DHX57: variants seen among roughly 807,000 people sequenced by gnomAD.
DHX57 encodes putative ATP-dependent RNA helicase DHX57.
A neutral mutation model predicts 156.2 loss-of-function variants in DHX57; 105 were observed. That is an observed-to-expected ratio of 0.67 (90% CI 0.57 to 0.79). The LOEUF (loss-of-function observed/expected upper bound fraction) is 0.79, where lower values mean the gene tolerates loss of function less well. DHX57 is among the 30% of genes least tolerant of loss of function. DHX57 has a pLI of 0.00. For missense variants in DHX57, 1,847 were observed against 1,661.9 expected (o/e 1.11, Z -1.94); for synonymous variants, 704 against 595.6 (o/e 1.18, Z -2.65).
At chr2:38,828,473 T>A (rs764011261) in intron 13 of DHX57, 37 bp from the exon 14 acceptor site, 2 of 1,471,344 alleles carry the variant, frequency 1.4e-6, no homozygotes, top group Non-Finnish European at 1.8e-6. Context: ...TGGGTAAGCA[T>A]AGGCACAGAA....
rs1034132465 is a variant in DHX57, at chr2:38,813,949, T to C, written c.3607-54A>G. ...AAGTGATATGGCTATTTCTTTTTTT[T>C]CTTTTTGAGATGGAGTCTTGCTCTG... On this transcript the variant is annotated intron_variant, in intron 20 of 23. Transcript: ENST00000457308. 1.9e-6 allele frequency: 3 copies of C among 1,592,294 alleles called. No individual in the cohort carries two copies. In the Admixed American group the frequency reaches 5.0e-5, roughly 27 times the overall value.
intron 17 of DHX57, among the ~76,000 whole-genome samples, chr2:38,819,866 G>C (rs555802271): frequency 3.3e-5 from 5 of 152,016 alleles, no homozygotes; most frequent in Non-Finnish European, 7.4e-5. Flanking sequence ...ATCTACACTG[G>C]GAAGAATCCT....
intron 7 of DHX57, 130 bp from the exon 8 acceptor site, chr2:38,855,382 T>A: frequency 1.0e-6 from 1 of 974,072 alleles, no homozygotes; most frequent in Non-Finnish European, 1.6e-6. Flanking sequence ...AGGTATTTTC[T>A]AAAACAACCT....
intron 22 of DHX57, among the ~76,000 whole-genome samples, chr2:38,805,362 G>T (rs1053624423): frequency 9.9e-5 from 15 of 152,184 alleles, no homozygotes; most frequent in African/African-American, 3.6e-4. Context: ...GGCCATGTAA[G>T]GAGTCATGTG....
At chr2:38,798,812 C>G (rs1039160954) in intron 23 of DHX57, among the ~76,000 whole-genome samples, 3 of 152,106 alleles carry the variant, frequency 2.0e-5, no homozygotes, top group African/African-American at 7.2e-5. Context: ...GTTGTGGTGG[C>G]ATGCGCCTGT....
chr2:38,861,110 C>G lies in DHX57; in HGVS notation c.1300G>C (p.Asp434His), dbSNP rs1673171923. The part of the protein sequence containing the change: ...LLTNTHHKYS[D>H]PPVNFLPVPS... Reference sequence around the variant, plus strand: ...ACTGGCAGAAAGTTCACAGGAGGGTCACTATACTTGTGGTGGGTATTCGTT... The same window carrying G: ...ACTGGCAGAAAGTTCACAGGAGGGTGACTATACTTGTGGTGGGTATTCGTT... The change falls in exon 5 of 24, where the codon GAC (aspartate) becomes CAC (histidine). Residue 434 changes from aspartate (D) to histidine (H), a missense_variant. Coordinates refer to ENST00000457308, the MANE Select transcript of DHX57 (RefSeq NM_198963.3). The G allele has an allele frequency of 6.2e-7, 1 of 1,614,218 alleles. No homozygotes were observed. The highest frequency in any genetic ancestry group is 8.5e-7 in the Non-Finnish European group (1 of 1,180,032).
intron 12 of DHX57, 69 bp downstream of exon 12, chr2:38,842,936 G>C: frequency 6.6e-7 from 1 of 1,524,828 alleles, no homozygotes; most frequent in Non-Finnish European, 9.0e-7. Context: ...TTCTTCTTCC[G>C]AATCTTGGTA....
chr2:38,870,469 G>GT (rs1342753424), intron 1 of DHX57, among the ~76,000 whole-genome samples: 1 of 152,210 alleles, frequency 6.6e-6, no homozygotes, highest in East Asian at 1.9e-4. Context: ...CATGAAAGGA[G>GT]TAAGAGAAAA....
At chr2:38,840,668 T>G (rs1671946989) in intron 12 of DHX57, among the ~76,000 whole-genome samples, 2 of 152,322 alleles carry the variant, frequency 1.3e-5, no homozygotes, top group East Asian at 3.9e-4. Flanking sequence ...GAGTCATGTT[T>G]CCTGACCTCA....
At chr2:38,803,173 T>C (rs1572612412) in intron 22 of DHX57, 2 of 428,796 alleles carry the variant, frequency 4.7e-6, no homozygotes, top group Non-Finnish European at 8.5e-6. Context: ...AGATAGGGTC[T>C]CACCATGTTG....
At chr2:38,831,415 T>C (rs3099988) in intron 13 of DHX57, among the ~76,000 whole-genome samples, 54,781 of 151,100 alleles carry the variant, frequency 0.36, 10,129 homozygotes, top group Admixed American at 0.38. Context: ...CTGCAACCTC[T>C]GCCTCCTGGG....
chr2:38,846,350 G>A (rs1028031045), intron 11 of DHX57, among the ~76,000 whole-genome samples: 4 of 152,070 alleles, frequency 2.6e-5, no homozygotes, highest in African/African-American at 9.7e-5. Context: ...GGCCAGGCAT[G>A]GTGGCTCATG....
intron 22 of DHX57, among the ~76,000 whole-genome samples, chr2:38,805,539 T>A (rs1669896486): frequency 6.6e-6 from 1 of 151,984 alleles, no homozygotes; most frequent in Admixed American, 6.6e-5. Flanking sequence ...ATGTTTGGGG[T>A]TTGAGCTAAG....
chr2:38,856,505 T>A, intron 6 of DHX57, 44 bp from the exon 7 acceptor site: 1 of 395,308 alleles, frequency 2.5e-6, no homozygotes, highest in South Asian at 5.9e-5. Context: ...TACTTTTTCT[T>A]TTTTTTTTTT....
chr2:38,851,570 T>C (rs1190669220), intron 9 of DHX57, among the ~76,000 whole-genome samples: 2 of 152,188 alleles, frequency 1.3e-5, no homozygotes, highest in East Asian at 3.8e-4. Flanking sequence ...AATTAATCTT[T>C]ATTCAGATGT....
intron 7 of DHX57, among the ~76,000 whole-genome samples, chr2:38,855,769 GA>G (rs552017345): frequency 2.0e-5 from 3 of 152,160 alleles, no homozygotes; most frequent in Admixed American, 6.5e-5. Context: ...TGTAAAGCAG[GA>G]AAAATAACGC....
At position 38,862,294 on chromosome 2, in the gene DHX57, A is replaced by T. The variant is rs375185377; in HGVS notation, c.423T>A (p.Asp141Glu). ...LSGEEEDDEP[D>E]CCNDERYWPA... ...GCCAGTACCGCTCATCGTTACAGCA[A>T]TCAGGCTCATCATCTTCCTCCTCCC... The change falls in exon 4 of 24, where the codon GAT (aspartate) becomes GAA (glutamate). Residue 141 changes from aspartate to glutamate, a missense_variant. Asp to Glu is a conservative substitution (Grantham distance 45). Coordinates refer to ENST00000457308, the MANE Select transcript of DHX57 (RefSeq NM_198963.3). The T allele has an allele frequency of 6.2e-7, 1 of 1,603,128 alleles. No homozygotes were observed. The highest frequency in any genetic ancestry group is 8.5e-7 in the Non-Finnish European group (1 of 1,172,998).
Position 38,837,811 on chromosome 2 carries a change from C to A in DHX57, c.2542+20G>T. 4 of 1,438,772 alleles carry A rather than the reference C, an allele frequency of 2.8e-6. No individual in the cohort carries two copies. The highest frequency in any genetic ancestry group is 2.3e-5 in the East Asian group (1 of 44,044). The allele number at this position is 1,438,772 out of a possible 1,614,324, so 89.1% of individuals were successfully genotyped here. ...TAAGTGTTTCAATTGTCATTCAAGC[C>A]TTAATAAAGAAGCAGTTACCTGGAG... On this transcript the variant is annotated intron_variant, in intron 13 of 23. Coordinates refer to ENST00000457308, the MANE Select transcript of DHX57 (RefSeq NM_198963.3).
intron 23 of DHX57, among the ~76,000 whole-genome samples, 178 bp from the exon 24 acceptor site, chr2:38,798,620 G>A (rs1007706141): frequency 2.0e-5 from 3 of 152,160 alleles, no homozygotes; most frequent in Non-Finnish European, 4.4e-5. Flanking sequence ...GAGGTCCATT[G>A]TAAAAAAGTG....
Sources: allele counts gnomAD v4.1 joint callset (sites outside exome capture counted in the v4.1 genomes callset), GRCh38; gene constraint gnomAD v4.1.1; transcripts MANE v1.5; gene names NCBI Gene and HGNC (gene_info 2026-07-23, HGNC 2026-07-21).